The following ADGRG5 variants were observed in gnomAD, a reference collection of about 807,000 sequenced individuals.
ADGRG5 encodes the protein G protein-coupled receptor 114.
In ADGRG5, 37 loss-of-function variants were observed where a neutral mutation model predicts 53.2. That is an observed-to-expected ratio of 0.70 (90% confidence interval 0.53 to 0.91). ADGRG5 has a LOEUF of 0.91. Ranked by LOEUF, ADGRG5 falls within the 40% of genes least tolerant of loss-of-function variation. ADGRG5 has a pLI of 0.00. For missense variants in ADGRG5, 614 were observed against 675.8 expected, an observed-to-expected ratio of 0.91 and a Z score of 1.01; for synonymous variants, 277 against 290.4, an observed-to-expected ratio of 0.95 and a Z score of 0.47.
At chr16:57,554,491 T>C (rs935329717) in intron 1 of ADGRG5, among the ~76,000 whole-genome samples, 15 of 152,036 alleles carry the variant, frequency 9.9e-5, no homozygotes, top group Admixed American at 3.9e-4. Context: ...ATTCTCCTGC[T>C]TCAGCCTCCC....
rs1216546249 is a variant in ADGRG5 at position 57,574,140 on chromosome 16, G to A, written c.1209-675G>A. Among the ~76,000 whole-genome samples the A allele has an allele frequency of 6.6e-6, 1 of 152,230 alleles. No homozygotes were observed. The highest frequency in any genetic ancestry group is 1.5e-5 in the Non-Finnish European group (1 of 68,038). On this transcript the variant is annotated intron_variant, in intron 10 of 11. Transcript: ENST00000349457. This position sits in a 1 kb window ranked among gnomAD's most constrained non-coding sequence, Gnocchi z 4.4. ...GGCATCTGTCTTGAAGGTGTCTTGG[G>A]GAGGCAAAGGGCAGAGGCCTCCGGG...
rs1817757462 is a variant in ADGRG5 at position 57,575,634 on chromosome 16, C to T, written c.*96C>T. On this transcript the variant is annotated 3_prime_UTR_variant, in exon 12 of 12. Transcript: ENST00000349457. The stretch of plus-strand genomic sequence containing the variant: ...AGAGGGTGGCAGGCCTGCTGCTGGA[C>T]CCCAGAGGCCACTGTGACCGCCAAG... 3 of 946,032 alleles carry T rather than the reference C, an allele frequency of 3.2e-6. No individual in the cohort carries two copies. The highest frequency in any genetic ancestry group is 3.3e-6 in the Non-Finnish European group (2 of 605,094). The allele number at this position is 946,032 out of a possible 1,614,324, so 58.6% of individuals were successfully genotyped here.
At position 57,552,662 on chromosome 16, in the gene ADGRG5, C is replaced by T. The variant is rs563762093; in HGVS notation, c.-38-9394C>T. 2.6e-5 allele frequency among the ~76,000 whole-genome samples: 4 copies of T among 152,302 alleles called. No homozygotes were observed. In the South Asian group the frequency reaches 8.3e-4, roughly 32 times the overall value. ...ATCACTGAAGCTTTCTCCATATCAGCAATAAGGTTGTTTTGCTTCATGTGT... is the reference window on the plus strand; with the variant it reads ...ATCACTGAAGCTTTCTCCATATCAGTAATAAGGTTGTTTTGCTTCATGTGT... On this transcript the variant is annotated intron_variant, in intron 1 of 11. Transcript: ENST00000349457.
intron 1 of ADGRG5, among the ~76,000 whole-genome samples, chr16:57,560,341 A>G (rs2032972543): frequency 6.6e-6 from 1 of 152,212 alleles, no homozygotes. Context: ...TGTGTTTTGA[A>G]ATTCTCAGTA....
the ADGRG5 span, chr16:57,536,702 C>G: frequency 6.6e-6 from 1 of 152,182 alleles, no homozygotes; most frequent in Non-Finnish European, 1.5e-5. Flanking sequence ...CCCGGCCCAC[C>G]GAGCTGCTGG....
intron 3 of ADGRG5, 97 bp downstream of exon 3, chr16:57,562,556 T>C: frequency 1.3e-6 from 1 of 778,302 alleles, no homozygotes; most frequent in Non-Finnish European, 2.1e-6. Flanking sequence ...TCTTCAGCAC[T>C]TTTATTGAGC....
At position 57,554,091 on chromosome 16, in the gene ADGRG5, G is replaced by A. The variant is rs374594059; in HGVS notation, c.-38-7965G>A. ...TTCTATTTTTTCTTGAGTAAGCATTGGTAGTTTGTGTATTTCAAGGAATTT... is the reference window on the plus strand; with the variant it reads ...TTCTATTTTTTCTTGAGTAAGCATTAGTAGTTTGTGTATTTCAAGGAATTT... On this transcript the variant is annotated intron_variant, in intron 1 of 11. Coordinates refer to ENST00000349457, the MANE Select transcript of ADGRG5 (RefSeq NM_001304376.3). 1.1e-3 allele frequency among the ~76,000 whole-genome samples: 173 copies of A among 152,148 alleles called. 1 individual carries two copies. The highest frequency in any genetic ancestry group is 4.0e-3 in the African/African-American group (167 of 41,540).
At position 57,575,553 on chromosome 16, in the gene ADGRG5, C is replaced by T; in HGVS notation, c.*15C>T. 6.2e-7 allele frequency: 1 copy of T among 1,601,140 alleles called. No individual in the cohort carries two copies. The highest frequency in any genetic ancestry group is 8.6e-7 in the Non-Finnish European group (1 of 1,168,472). On this transcript the variant is annotated 3_prime_UTR_variant, in exon 12 of 12. Transcript: ENST00000349457. ...CAACACAGTAGTCCGGGCCTCCTGGCCTGGAATCCTCAGCCTCTCTGGCCG... is the reference window on the plus strand; with the variant it reads ...CAACACAGTAGTCCGGGCCTCCTGGTCTGGAATCCTCAGCCTCTCTGGCCG...
rs538150281 is a variant in ADGRG5 at position 57,549,609 on chromosome 16, GT to G, written c.-39+6913del. On this transcript the variant is annotated intron_variant, in intron 1 of 11. Transcript: ENST00000349457. ...ATAAAATTCACCCTTTTGGAGAGGA[GT>G]TTTTGCATTTTGACAGATGTGTACA... Among the ~76,000 whole-genome samples, 18 of 152,216 alleles carry G rather than the reference GT, an allele frequency of 1.2e-4. No individual in the cohort carries two copies. In the East Asian group the frequency reaches 3.5e-3, roughly 29 times the overall value.
At chr16:57,547,984 G>A (rs1337506089) in intron 1 of ADGRG5, among the ~76,000 whole-genome samples, 1 of 152,100 alleles carries the variant, frequency 6.6e-6, no homozygotes, top group South Asian at 2.1e-4. Context: ...CTGACCTCAA[G>A]TGATTTGCCC....
At chr16:57,554,412 T>C (rs1373863339) in intron 1 of ADGRG5, among the ~76,000 whole-genome samples, 1 of 151,994 alleles carries the variant, frequency 6.6e-6, no homozygotes, top group Non-Finnish European at 1.5e-5. Context: ...AGTCTTGCTC[T>C]GTTGCCCAGG....
intron 1 of ADGRG5, among the ~76,000 whole-genome samples, chr16:57,549,020 G>A (rs11864078): frequency 0.022 from 3,290 of 152,180 alleles, 108 homozygotes; most frequent in African/African-American, 0.076. Context: ...AGAAACTGTC[G>A]AACTGTTTTC....
intron 1 of ADGRG5, among the ~76,000 whole-genome samples, chr16:57,551,049 T>A (rs1166754408): frequency 6.6e-6 from 1 of 152,104 alleles, no homozygotes; most frequent in Non-Finnish European, 1.5e-5. Context: ...AAAAAAGTTA[T>A]GTTTACATTA....
At chr16:57,529,730 A>G in the ADGRG5 span, among the ~76,000 whole-genome samples, 2 of 152,020 alleles carry the variant, frequency 1.3e-5, no homozygotes, top group Non-Finnish European at 2.9e-5. The surrounding 1 kb of genome is among the most constrained non-coding windows in gnomAD (Gnocchi z 4.1). Flanking sequence ...CTGAGGTATC[A>G]CTTCCTCCTG....
Position 57,562,147 on chromosome 16 carries a change from T to C in ADGRG5, c.54T>C (p.Asn18=). The C allele has an allele frequency of 1.2e-6, 2 of 1,602,090 alleles. No homozygotes were observed. The highest frequency in any genetic ancestry group is 3.4e-5 in the Admixed American group (2 of 59,350). Residue 18 remains asparagine (N), a synonymous_variant, in exon 2 of 12, where the codon AAT becomes AAC. Coordinates refer to ENST00000349457, the MANE Select transcript of ADGRG5 (RefSeq NM_001304376.3). ...FLCLCLLTLQ[N]ATTETWEELL... is the part of the protein sequence containing the mutation. The stretch of plus-strand genomic sequence containing the variant: ...GCCTGTGCCTTCTGACTTTGCAGAA[T>C]GCAACAACAGGTAAGGGGGCTCTGC...
At chr16:57,546,069 T>C (rs2032612737) in intron 1 of ADGRG5, among the ~76,000 whole-genome samples, 3 of 152,124 alleles carry the variant, frequency 2.0e-5, no homozygotes, top group African/African-American at 7.2e-5. Flanking sequence ...CAGGTGAGCC[T>C]CCTGCCTCGG....
At chr16:57,550,225 G>A (rs1371359431) in intron 1 of ADGRG5, among the ~76,000 whole-genome samples, 2 of 152,182 alleles carry the variant, frequency 1.3e-5, no homozygotes, top group African/African-American at 4.8e-5. Context: ...TGACCCACCC[G>A]CCTCGGCCTC....
intron 1 of ADGRG5, among the ~76,000 whole-genome samples, chr16:57,544,097 G>A (rs1490659889): frequency 6.6e-6 from 1 of 152,268 alleles, no homozygotes; most frequent in Non-Finnish European, 1.5e-5. Flanking sequence ...TGTCTGCAAA[G>A]CAACTCAGCT....
At position 57,576,739 on chromosome 16, in the gene ADGRG5, CTT is replaced by C. The variant is rs1406324983; in HGVS notation, c.*1204_*1205del. 2 of 152,370 alleles carry C rather than the reference CTT, an allele frequency of 1.3e-5. No homozygotes were observed. The highest frequency in any genetic ancestry group is 1.9e-4 in the East Asian group (1 of 5,184). The allele number at this position is 152,370 out of a possible 1,614,324, so 9.4% of individuals were successfully genotyped here. On this transcript the variant is annotated 3_prime_UTR_variant, in exon 12 of 12. Coordinates refer to ENST00000349457, the MANE Select transcript of ADGRG5 (RefSeq NM_001304376.3). ...GACACGCTTACACGGCCATTTGTCTCTTTTCCCAATGCGGCGGTGCACTTTCG... is the reference window on the plus strand; with the variant it reads ...GACACGCTTACACGGCCATTTGTCTCTTCCCAATGCGGCGGTGCACTTTCG...
Sources: allele counts gnomAD v4.1 joint callset (sites outside exome capture counted in the v4.1 genomes callset), GRCh38; gene constraint gnomAD v4.1.1; non-coding constraint Gnocchi (gnomAD v3.1); transcripts MANE v1.5; gene names NCBI Gene and HGNC (gene_info 2026-07-23, HGNC 2026-07-21).